The following MAD1L1 variants were observed in gnomAD, a reference collection of about 807,000 sequenced individuals.
The protein encoded by MAD1L1 is mitotic arrest deficient 1 like 1.
A neutral mutation model predicts 96.9 loss-of-function variants in MAD1L1; 95 were observed. The ratio of observed to expected loss-of-function variants is 0.98; its 90% confidence interval spans 0.83 to 1.16. MAD1L1 has a LOEUF of 1.16. MAD1L1 is among the 50% of genes most tolerant of loss of function. MAD1L1 has a pLI of 0.00. For synonymous variants in MAD1L1, 473 were observed against 396.6 expected, an observed-to-expected ratio of 1.19 and a Z score of -2.29; for missense variants, 1,007 against 954.4, an observed-to-expected ratio of 1.06 and a Z score of -0.73.
intron 18 of MAD1L1, among the ~76,000 whole-genome samples, chr7:1,821,343 TG>T (rs1782116115): frequency 6.6e-6 from 1 of 152,134 alleles, no homozygotes; most frequent in Non-Finnish European, 1.5e-5. Context: ...CAGTCCCAGA[TG>T]GTTTCACTAG....
intron 12 of MAD1L1, among the ~76,000 whole-genome samples, chr7:2,053,495 C>T (rs1041691969): frequency 1.3e-5 from 2 of 152,240 alleles, no homozygotes; most frequent in Non-Finnish European, 2.9e-5. Flanking sequence ...TGCTATGAGC[C>T]GGACGCCGGG....
intron 1 of MAD1L1, among the ~76,000 whole-genome samples, chr7:2,231,195 G>A (rs1386661884): frequency 2.0e-5 from 3 of 152,142 alleles, no homozygotes; most frequent in East Asian, 1.9e-4. Flanking sequence ...CTACTCAGGA[G>A]GCTGTGGCAC....
At chr7:2,100,871 C>T (rs567427028) in intron 11 of MAD1L1, among the ~76,000 whole-genome samples, 7 of 152,340 alleles carry the variant, frequency 4.6e-5, no homozygotes, top group Admixed American at 1.3e-4. Flanking sequence ...TGACTCCTGT[C>T]GGGAGGGGCG....
At chr7:2,016,327 C>T (rs1343460634) in intron 12 of MAD1L1, among the ~76,000 whole-genome samples, 5 of 152,158 alleles carry the variant, frequency 3.3e-5, no homozygotes, top group South Asian at 4.1e-4. Context: ...CTGTGGGGAC[C>T]GCCCCCACCA....
intron 10 of MAD1L1, among the ~76,000 whole-genome samples, chr7:2,197,005 G>A (rs537002749): frequency 1.9e-4 from 29 of 152,340 alleles, no homozygotes; most frequent in Admixed American, 3.9e-4. Flanking sequence ...GAGGAAAGAG[G>A]CCCCTTCACA....
intron 11 of MAD1L1, among the ~76,000 whole-genome samples, chr7:2,092,971 C>T (rs998558660): frequency 4.6e-5 from 7 of 152,028 alleles, no homozygotes; most frequent in Non-Finnish European, 7.4e-5. Flanking sequence ...AGTGCAGTGG[C>T]TCACACCTGT....
intron 12 of MAD1L1, among the ~76,000 whole-genome samples, chr7:2,053,152 C>T (rs1266079167): frequency 6.6e-6 from 1 of 152,232 alleles, no homozygotes; most frequent in Non-Finnish European, 1.5e-5. Context: ...CAAGTAACAC[C>T]CTCTTCCACA....
intron 10 of MAD1L1, among the ~76,000 whole-genome samples, chr7:2,181,812 C>CTCTA (rs1554242734): frequency 3.3e-5 from 5 of 149,406 alleles, no homozygotes; most frequent in Non-Finnish European, 7.4e-5. Flanking sequence ...AATGTGGTCT[C>CTCTA]TATATATATA....
At chr7:2,023,061 G>A (rs1374304804) in intron 12 of MAD1L1, among the ~76,000 whole-genome samples, 3 of 152,166 alleles carry the variant, frequency 2.0e-5, no homozygotes, top group African/African-American at 7.2e-5. Flanking sequence ...AGAACTACAA[G>A]GAGAAATGGC....
chr7:2,123,765 G>A (rs967144853), intron 11 of MAD1L1, among the ~76,000 whole-genome samples: 14 of 152,234 alleles, frequency 9.2e-5, no homozygotes, highest in African/African-American at 3.4e-4. Flanking sequence ...CTGCAGGTGA[G>A]GAATCAGTCA....
chr7:2,208,008 C>G lies in MAD1L1; in HGVS notation c.986+5204G>C, dbSNP rs557017227. Among the ~76,000 whole-genome samples, 40 of 152,266 alleles carry G rather than the reference C, an allele frequency of 2.6e-4. No homozygotes were observed. In the South Asian group the frequency reaches 8.3e-3, roughly 32 times the overall value. ...TGGTGTGGGGGAAACCTTCCAGTAT[C>G]TGGTGTCAGAGGCTGTGTGAGAGCA... On this transcript the variant is annotated intron_variant, in intron 10 of 18. Coordinates refer to ENST00000265854, the MANE Select transcript of MAD1L1 (RefSeq NM_001013836.2).
At chr7:2,051,178 C>T (rs1784150243) in intron 12 of MAD1L1, among the ~76,000 whole-genome samples, 1 of 152,198 alleles carries the variant, frequency 6.6e-6, no homozygotes, top group African/African-American at 2.4e-5. Flanking sequence ...CCCAGACACC[C>T]TGCAGGCCCT....
chr7:1,900,287 G>C (rs1210664347), intron 17 of MAD1L1, among the ~76,000 whole-genome samples: 1 of 152,242 alleles, frequency 6.6e-6, no homozygotes, highest in Non-Finnish European at 1.5e-5. Context: ...GCGGTGCAGG[G>C]ACCACGTTAG....
In MAD1L1 at chr7:2,071,887, C is replaced by T. The variant is rs145315186; in HGVS notation, c.1074-2549G>A. ...GCTTCTCACGGGAACTGGGAGAGCT[C>T]CCACTGTTCCTGGAGGGTGGGGAGG... On this transcript the variant is annotated intron_variant, in intron 11 of 18. Coordinates refer to ENST00000265854, the MANE Select transcript of MAD1L1 (RefSeq NM_001013836.2). Among the ~76,000 whole-genome samples, 1,182 of 152,234 alleles carry T rather than the reference C, an allele frequency of 7.8e-3. 12 individuals carry two copies. Among genetic ancestry groups the T allele is most frequent in the Middle Eastern group, 0.02 (6 of 294 alleles).
chr7:1,891,893 T>C (rs1177900443), intron 18 of MAD1L1, among the ~76,000 whole-genome samples: 2 of 152,218 alleles, frequency 1.3e-5, no homozygotes, highest in Admixed American at 6.5e-5. Context: ...TCATTTATTA[T>C]TGAAGAAAAG....
At chr7:1,886,445 G>A (rs576137342) in intron 18 of MAD1L1, among the ~76,000 whole-genome samples, 105 of 152,286 alleles carry the variant, frequency 6.9e-4, no homozygotes, top group African/African-American at 2.4e-3. Flanking sequence ...GTGTCAACAC[G>A]CCCCAGCTAG....
At chr7:2,185,619 C>T (rs1791421788) in intron 10 of MAD1L1, among the ~76,000 whole-genome samples, 1 of 151,988 alleles carries the variant, frequency 6.6e-6, no homozygotes, top group African/African-American at 2.4e-5. Flanking sequence ...AAGCCACGTG[C>T]ATGCTTCTAG....
intron 18 of MAD1L1, among the ~76,000 whole-genome samples, chr7:1,894,775 T>C (rs1786763304): frequency 7.0e-6 from 1 of 143,214 alleles, no homozygotes; most frequent in African/African-American, 2.7e-5. Flanking sequence ...GGACAGAGTC[T>C]GGAGGAGGAG....
chr7:2,068,884 T>C (rs1295973953), intron 12 of MAD1L1, among the ~76,000 whole-genome samples: 1 of 152,162 alleles, frequency 6.6e-6, no homozygotes, highest in Non-Finnish European at 1.5e-5. Flanking sequence ...GCAAGGCACG[T>C]GGGAGCCTGC....
Sources: gnomAD v4.1 joint callset for allele counts (sites outside exome capture counted in the v4.1 genomes callset) on GRCh38, gnomAD v4.1.1 for gene constraint, MANE v1.5 for transcripts, NCBI Gene and HGNC (gene_info 2026-07-23, HGNC 2026-07-21) for gene names.